Variants in MYO1C observed in about 807,000 individuals in gnomAD.
MYO1C encodes the protein myosin IC, also known as unconventional myosin-Ic.
MYO1C carries 104 observed loss-of-function variants against 150.8 expected under a neutral mutation model. The ratio of observed to expected loss-of-function variants is 0.69; its 90% confidence interval spans 0.59 to 0.81. The LOEUF (loss-of-function observed/expected upper bound fraction) is 0.81, where lower values mean the gene tolerates loss of function less well. Ranked by LOEUF, MYO1C falls within the 30% of genes least tolerant of loss-of-function variation. The pLI is 0.00. For synonymous variants in MYO1C, 663 were observed against 579.9 expected (o/e 1.14, Z -2.06); for missense variants, 1,504 against 1,435.0 (o/e 1.05, Z -0.78).
chr17:1,467,352 G>A lies in MYO1C; in HGVS notation c.3066-11C>T, dbSNP rs773739086. On this transcript the variant is annotated splice_polypyrimidine_tract_variant and intron_variant, in intron 30 of 31. Coordinates refer to ENST00000648651, the MANE Select transcript of MYO1C (RefSeq NM_001080779.2). ...CCTGCAAACGTGATGCTGGGGGAAC[G>A]GGGTGGGTGAGGGTTTTTCCATGGA... The A allele has an allele frequency of 2.2e-5, 36 of 1,609,606 alleles. No individual in the cohort carries two copies. The highest frequency in any genetic ancestry group is 2.5e-5 in the Non-Finnish European group (30 of 1,178,096).
chr17:1,473,003 C>G (rs2074335225), intron 17 of MYO1C, among the ~76,000 whole-genome samples: 1 of 152,122 alleles, frequency 6.6e-6, no homozygotes, highest in Non-Finnish European at 1.5e-5. Flanking sequence ...GAGTTTAAGA[C>G]TAGCCTGGCC....
At position 1,470,484 on chromosome 17, in the gene MYO1C, CCA is replaced by C. The variant is rs2074278487; in HGVS notation, c.2315_2316del (p.Leu772ArgfsTer70). 1.3e-6 allele frequency: 2 copies of C among 1,551,240 alleles called. No homozygotes were observed. The highest frequency in any genetic ancestry group is 1.7e-6 in the Non-Finnish European group (2 of 1,147,308). ...ICIQSWWRGT[L>X]GRRKAAKRKW... The stretch of plus-strand genomic sequence containing the variant: ...TTCCTCTTGGCTGCCTTCCTCCGGC[CCA>C]GTGTTCCACGCCACCACGACTGGAT... On this transcript the variant is annotated frameshift_variant, in exon 23 of 32. Transcript: ENST00000648651. LOFTEE classifies it high-confidence loss of function.
chr17:1,489,754 C>T (rs545135426), intron 1 of MYO1C, among the ~76,000 whole-genome samples: 11 of 151,552 alleles, frequency 7.3e-5, no homozygotes, highest in East Asian at 3.9e-4. Flanking sequence ...AAAAAGTAAA[C>T]GGCCCAGGAG....
rs976736179 is a variant in MYO1C at position 1,489,520 on chromosome 17, A to AT, written c.75+2892dup. ...TGGTGAGACCCCTGCCTCCACTAAA[A>AT]TTTTTTTAAAAAGTTAGCCAGGCAT... On this transcript the variant is annotated intron_variant, in intron 1 of 31. Coordinates refer to ENST00000648651, the MANE Select transcript of MYO1C (RefSeq NM_001080779.2). Among the ~76,000 whole-genome samples the AT allele has an allele frequency of 5.9e-5, 9 of 151,838 alleles. 1 individual carries two copies. The highest frequency in any genetic ancestry group is 5.9e-4 in the East Asian group (3 of 5,120).
rs970826352 is a variant in MYO1C, at chr17:1,492,634, AG to A, written c.-148del. ...TTGGTTCTGCTTCAACTGCAGCCCC[AG>A]GGGATGTGGCTGGTCCAGCTCCTCA... On this transcript the variant is annotated 5_prime_UTR_variant, in exon 1 of 32. Coordinates refer to ENST00000648651, the MANE Select transcript of MYO1C (RefSeq NM_001080779.2). 6.7e-6 allele frequency: 5 copies of A among 748,814 alleles called. No individual in the cohort carries two copies. The highest frequency in any genetic ancestry group is 2.0e-5 in the Admixed American group (1 of 48,806). The allele number at this position is 748,814 out of a possible 1,614,324, so 46.4% of individuals were successfully genotyped here. A position where few individuals can be genotyped will look rare whatever the true frequency, so the allele number is the denominator to read the frequency against.
At chr17:1,484,124 G>GC (rs1567533732) in intron 2 of MYO1C, 24 bp downstream of exon 2, 2 of 1,611,366 alleles carry the variant, frequency 1.2e-6, no homozygotes, top group Non-Finnish European at 1.7e-6. Context: ...CAGCACCCCT[G>GC]CCATCTCCCC....
In MYO1C at chr17:1,479,573, C is replaced by A; in HGVS notation, c.1020+19G>T. ...CCGCCCCCGCCGTCCTCCCGTCGCC[C>A]TCTGCCCGCCCCACTCACCCTGGTC... On this transcript the variant is annotated intron_variant, in intron 8 of 31. Coordinates refer to ENST00000648651, the MANE Select transcript of MYO1C (RefSeq NM_001080779.2). This position sits in a 1 kb window ranked among gnomAD's most constrained non-coding sequence, Gnocchi z 4.2. 6.3e-7 allele frequency: 1 copy of A among 1,593,690 alleles called. No homozygotes were observed. The highest frequency in any genetic ancestry group is 8.6e-7 in the Non-Finnish European group (1 of 1,166,674).
chr17:1,472,943 G>A (rs894549143), intron 17 of MYO1C, among the ~76,000 whole-genome samples: 66 of 152,334 alleles, frequency 4.3e-4, no homozygotes, highest in African/African-American at 1.5e-3. Context: ...GCTCACGCCT[G>A]TCATCCCAGC....
intron 14 of MYO1C, 118 bp from the exon 15 acceptor site, chr17:1,475,150 G>T: frequency 2.0e-6 from 2 of 981,106 alleles, no homozygotes; most frequent in Non-Finnish European, 3.1e-6. Context: ...GCCGGGCACA[G>T]TGGCTCACGG....
At chr17:1,469,838 C>T (rs2074261633) in intron 24 of MYO1C, among the ~76,000 whole-genome samples, 1 of 152,168 alleles carries the variant, frequency 6.6e-6, no homozygotes, top group Non-Finnish European at 1.5e-5. Flanking sequence ...AGTTCAAGAC[C>T]AGCCTGGCCA....
At chr17:1,485,672 G>A (rs1247843040) in intron 1 of MYO1C, 11 of 1,212,424 alleles carry the variant, frequency 9.1e-6, no homozygotes, top group Non-Finnish European at 1.1e-5. Flanking sequence ...CCCCCGCCCT[G>A]CCCCGCCGCC....
At chr17:1,466,236 T>G (rs1156598036) in intron 31 of MYO1C, among the ~76,000 whole-genome samples, 1 of 145,020 alleles carries the variant, frequency 6.9e-6, no homozygotes, top group African/African-American at 2.6e-5. Context: ...TTGGGTCTCA[T>G]TGCAGCCTCA....
rs770091523 is a variant in MYO1C, at chr17:1,470,236, C to T, written c.2465G>A (p.Arg822Gln). ...VRTSFLLNLRRQLPQNVLDTS... is the reference protein window; with the variant it reads ...VRTSFLLNLRQQLPQNVLDTS... The stretch of plus-strand genomic sequence containing the variant: ...GTCCAGGACATTCTGGGGCAGCTGC[C>T]GCCTCAGGTTTAGCAAAAAAGAGGT... Residue 822 changes from arginine (R) to glutamine (Q), a missense_variant, in exon 24 of 32, where the codon CGG becomes CAG. Transcript: ENST00000648651. The T allele has an allele frequency of 1.9e-6, 3 of 1,610,376 alleles. No individual in the cohort carries two copies. The highest frequency in any genetic ancestry group is 1.7e-5 in the Admixed American group (1 of 59,692).
rs758456593 is a variant in MYO1C, at chr17:1,482,470, C to T, written c.627+8G>A. On this transcript the variant is annotated splice_region_variant and intron_variant, in intron 5 of 31. Transcript: ENST00000648651. ...TGGGAATCCTCACGACACACACATC[C>T]ATGGTACCTTGAAGTCAAACTGCAC... The T allele has an allele frequency of 6.2e-6, 10 of 1,612,866 alleles. No individual in the cohort carries two copies. The Admixed American group carries it at 1.5e-4, about 24-fold the overall frequency.
At chr17:1,485,105 G>A in intron 1 of MYO1C, 1 of 1,238,592 alleles carries the variant, frequency 8.1e-7, no homozygotes, top group Non-Finnish European at 1.0e-6. Flanking sequence ...AGAAGCCTCA[G>A]GGGATGGGGG....
chr17:1,475,982 G>A (rs2074396616), intron 14 of MYO1C, among the ~76,000 whole-genome samples: 1 of 152,190 alleles, frequency 6.6e-6, no homozygotes. Context: ...ATAGAAAAAG[G>A]CAGGAGGGAA....
chr17:1,485,761 G>C lies in MYO1C; in HGVS notation c.76-1458C>G, dbSNP rs548222258. On this transcript the variant is annotated intron_variant, in intron 1 of 31. Transcript: ENST00000648651. Reference sequence around the variant, plus strand: ...CTCCGCTGCCCGCGCTCCGGGTCCCGGGCTCGGCGGCGGTGGCGGCGGCGT... The same window carrying C: ...CTCCGCTGCCCGCGCTCCGGGTCCCCGGCTCGGCGGCGGTGGCGGCGGCGT... 0.016 allele frequency: 16,812 copies of C among 1,068,580 alleles called. 135 individuals carry two copies. The highest frequency in any genetic ancestry group is 0.018 in the Non-Finnish European group (15,686 of 883,716). 66.2% of individuals were successfully genotyped at this position (1,068,580 alleles called of 1,614,324 possible).
rs764730469 is a variant in MYO1C at position 1,477,930 on chromosome 17, A to G, written c.1443T>C (p.Asp481=). 6.2e-7 allele frequency: 1 copy of G among 1,614,030 alleles called. No individual in the cohort carries two copies. Among genetic ancestry groups the G allele is most frequent in the Non-Finnish European group, 8.5e-7 (1 of 1,180,034 alleles). Residue 481 remains aspartate (D), a synonymous_variant, in exon 13 of 32, where the codon GAT becomes GAC. Coordinates refer to ENST00000648651, the MANE Select transcript of MYO1C (RefSeq NM_001080779.2). The part of the protein sequence containing the change: ...VQYFNNKIIC[D]LVEEKFKGII... ...TGCCCTTAAACTTCTCCTCCACCAGATCACAGATGATTTTGTTGTTGAAAT... is the reference window on the plus strand; with the variant it reads ...TGCCCTTAAACTTCTCCTCCACCAGGTCACAGATGATTTTGTTGTTGAAAT...
chr17:1,479,568 T>A lies in MYO1C; in HGVS notation c.1020+24A>T. 1 of 1,268,358 alleles carries A rather than the reference T, an allele frequency of 7.9e-7. No individual in the cohort carries two copies. The highest frequency in any genetic ancestry group is 1.1e-6 in the Non-Finnish European group (1 of 874,884). The allele number at this position is 1,268,358 out of a possible 1,614,324, so 78.6% of individuals were successfully genotyped here. A position where few individuals can be genotyped will look rare whatever the true frequency, so the allele number is the denominator to read the frequency against. On this transcript the variant is annotated intron_variant, in intron 8 of 31. Coordinates refer to ENST00000648651, the MANE Select transcript of MYO1C (RefSeq NM_001080779.2). The surrounding 1 kb of genome is among the most constrained non-coding windows in gnomAD (Gnocchi z 4.2). ...AGCCCCCGCCCCCGCCGTCCTCCCG[T>A]CGCCCTCTGCCCGCCCCACTCACCC... is the stretch of plus-strand genomic sequence containing the variant.
Sources: gnomAD v4.1 joint callset for allele counts (sites outside exome capture counted in the v4.1 genomes callset) on GRCh38, gnomAD v4.1.1 for gene constraint, Gnocchi (gnomAD v3.1) non-coding constraint, MANE v1.5 for transcripts, NCBI Gene and HGNC (gene_info 2026-07-23, HGNC 2026-07-21) for gene names.